Variants in C2CD5 observed in about 807,000 individuals in gnomAD.
C2CD5 encodes the protein C2 calcium dependent domain containing 5, also known as C2 domain-containing protein 5.
Under a neutral mutation model 130.3 loss-of-function variants are expected in C2CD5, and 109 were observed. That is an observed-to-expected ratio of 0.84 (90% CI 0.72 to 0.98). The LOEUF (loss-of-function observed/expected upper bound fraction) is 0.98, where lower values mean the gene tolerates loss of function less well. Among genes scored for constraint, C2CD5 ranks in the 50% least tolerant of loss-of-function variants. The probability of loss-of-function intolerance (pLI) is 0.00; values close to 1 mark genes in which losing one functional copy is unlikely to be tolerated. For missense variants in C2CD5, 996 were observed against 1,261.8 expected (o/e 0.79, Z 3.19); for synonymous variants, 454 against 429.2 (o/e 1.06, Z -0.71).
At chr12:22,534,282 T>C (rs571087931) in intron 3 of C2CD5, among the ~76,000 whole-genome samples, 3 of 152,246 alleles carry the variant, frequency 2.0e-5, no homozygotes, top group African/African-American at 7.2e-5. Flanking sequence ...ATTAAAACCA[T>C]AAAACTCTTA....
At chr12:22,479,733 T>A (rs1054220931) in intron 14 of C2CD5, among the ~76,000 whole-genome samples, 1 of 152,164 alleles carries the variant, frequency 6.6e-6, no homozygotes, top group Admixed American at 6.5e-5. Flanking sequence ...TCTGAAACAG[T>A]ACTATATTTC....
rs768033081 is a variant in C2CD5, at chr12:22,518,062, A to G, written c.876T>C (p.Tyr292=). 19 of 1,613,816 alleles carry G rather than the reference A, an allele frequency of 1.2e-5. No homozygotes were observed. The highest frequency in any genetic ancestry group is 2.7e-5 in the African/African-American group (2 of 74,916). ...TGTAGGACTTGGAAGGTGAAAAGGA[A>G]TAAGTTTGGTTTTTCAGAGGGGTTG... is the stretch of plus-strand genomic sequence containing the variant. ...GPSTPLKNQT[Y]SFSPSKSYSR... is the part of the protein sequence containing the mutation. The change falls in exon 8 of 27, where the codon TAT becomes TAC. Residue 292 remains tyrosine, a synonymous_variant. Transcript: ENST00000446597.
At position 22,471,498 on chromosome 12, in the gene C2CD5, AG is replaced by A; in HGVS notation, c.2269-11del. 1 of 1,428,890 alleles carries A rather than the reference AG, an allele frequency of 7.0e-7. No homozygotes were observed. The highest frequency in any genetic ancestry group is 9.6e-7 in the Non-Finnish European group (1 of 1,039,784). The allele number at this position is 1,428,890 out of a possible 1,614,324, so 88.5% of individuals were successfully genotyped here. A position where few individuals can be genotyped will look rare whatever the true frequency, so the allele number is the denominator to read the frequency against. ...GTTTAAAGTACAGGCTCTACACAAT[AG>A]AAAATATTAGTAATGTCACTTTTTT... On this transcript the variant is annotated splice_polypyrimidine_tract_variant and intron_variant, in intron 19 of 26. Transcript: ENST00000446597.
At position 22,513,286 on chromosome 12, in the gene C2CD5, A is replaced by T; in HGVS notation, c.1038+8T>A. ...GTGTAAGAACAAAGAATATCAAGTGAATCTTACCCTCTGTTCCAACGCTGA... is the reference window on the plus strand; with the variant it reads ...GTGTAAGAACAAAGAATATCAAGTGTATCTTACCCTCTGTTCCAACGCTGA... On this transcript the variant is annotated splice_region_variant and intron_variant, in intron 9 of 26. Transcript: ENST00000446597. The T allele has an allele frequency of 6.3e-7, 1 of 1,575,940 alleles. No individual in the cohort carries two copies. The highest frequency in any genetic ancestry group is 8.7e-7 in the Non-Finnish European group (1 of 1,145,578).
Position 22,482,483 on chromosome 12 carries a change from A to G in C2CD5, c.1737+74T>C, listed in dbSNP as rs1332703723. 41 of 1,258,252 alleles carry G rather than the reference A, an allele frequency of 3.3e-5. No individual in the cohort carries two copies. The Middle Eastern group carries it at 2.2e-3, about 69-fold the overall frequency. 77.9% of individuals were successfully genotyped at this position (1,258,252 alleles called of 1,614,324 possible). On this transcript the variant is annotated intron_variant, in intron 14 of 26. Transcript: ENST00000446597. Reference sequence around the variant, plus strand: ...CTTTAGATAAGCCTTTGAAAAGACTATTTGAATCACATAACATAGAATCTA... The same window carrying G: ...CTTTAGATAAGCCTTTGAAAAGACTGTTTGAATCACATAACATAGAATCTA...
intron 14 of C2CD5, among the ~76,000 whole-genome samples, chr12:22,481,693 C>T (rs925524465): frequency 3.0e-5 from 4 of 134,548 alleles, no homozygotes; most frequent in Admixed American, 8.3e-5. Context: ...CTCACTCTGT[C>T]GCCTCGGTTG....
chr12:22,524,172 A>C (rs1950528310), intron 6 of C2CD5, among the ~76,000 whole-genome samples: 1 of 152,152 alleles, frequency 6.6e-6, no homozygotes, highest in South Asian at 2.1e-4. Flanking sequence ...TGGTAGATGA[A>C]GGAAAACTAG....
Position 22,513,378 on chromosome 12 carries a change from T to A in C2CD5, c.954A>T (p.Gly318=). ...DTDLSLTPKT[G]MGSGSAGKEG... Reference sequence around the variant, plus strand: ...CTTTTCCAGCACTACCACTTCCCATTCCTACAGAACATCAGTACATAAATA... The same window carrying A: ...CTTTTCCAGCACTACCACTTCCCATACCTACAGAACATCAGTACATAAATA... The change falls in exon 9 of 27, where the codon GGA becomes GGT. Residue 318 remains glycine, a splice_region_variant and synonymous_variant. Transcript: ENST00000446597. 3.7e-6 allele frequency: 6 copies of A among 1,604,052 alleles called. No homozygotes were observed. The highest frequency in any genetic ancestry group is 4.3e-6 in the Non-Finnish European group (5 of 1,171,018).
intron 10 of C2CD5, among the ~76,000 whole-genome samples, chr12:22,494,076 A>G (rs1946697242): frequency 6.6e-6 from 1 of 152,064 alleles, no homozygotes; most frequent in Admixed American, 6.6e-5. Context: ...CTTGTAATGG[A>G]GCACTATAAA....
At chr12:22,481,860 G>A (rs1461481972) in intron 14 of C2CD5, among the ~76,000 whole-genome samples, 1 of 145,350 alleles carries the variant, frequency 6.9e-6, no homozygotes, top group Non-Finnish European at 1.5e-5. Context: ...TCTAACTTCT[G>A]GGCTCAAGTG....
At chr12:22,478,566 C>T in intron 14 of C2CD5, 89 bp from the exon 15 acceptor site, 3 of 1,166,048 alleles carry the variant, frequency 2.6e-6, no homozygotes, top group Non-Finnish European at 3.7e-6. Context: ...TGGTCAACAG[C>T]TGGGTGCAGT....
chr12:22,521,746 G>C (rs538241109), intron 7 of C2CD5, among the ~76,000 whole-genome samples: 22 of 152,236 alleles, frequency 1.4e-4, no homozygotes, highest in Middle Eastern at 3.4e-3. Context: ...AAATTAAGCA[G>C]TATGTAACAC....
intron 21 of C2CD5, 117 bp downstream of exon 21, chr12:22,470,707 C>A (rs1942881714): frequency 3.1e-6 from 2 of 638,494 alleles, no homozygotes; most frequent in Non-Finnish European, 5.5e-6. Flanking sequence ...ACAGAAAAAG[C>A]AGCAAATATT....
chr12:22,528,701 T>C (rs1207001847), intron 3 of C2CD5, among the ~76,000 whole-genome samples: 2 of 152,162 alleles, frequency 1.3e-5, no homozygotes, highest in African/African-American at 4.8e-5. Flanking sequence ...CTTCTTTACA[T>C]CAGACATACC....
intron 16 of C2CD5, 111 bp from the exon 17 acceptor site, chr12:22,472,918 AAAATATGTAACAAG>A: frequency 1.5e-6 from 1 of 669,346 alleles, no homozygotes; most frequent in Admixed American, 2.6e-5. Flanking sequence ...TTCCTAAGTA[AAAATATGTAACAAG>A]AAAAAAATTC....
Position 22,449,861 on chromosome 12 carries a change from C to G in C2CD5, c.3055G>C (p.Ala1019Pro). The G allele has an allele frequency of 6.2e-7, 1 of 1,610,180 alleles. No homozygotes were observed. Among genetic ancestry groups the G allele is most frequent in the South Asian group, 1.1e-5 (1 of 90,780 alleles). The change falls in exon 27 of 27, where the codon GCA becomes CCA. Residue 1019 changes from alanine to proline, a missense_variant. Around this residue, in one of 9 missense-constraint regions of C2CD5, gnomAD observed 48 missense variants for 46.4 expected, o/e 1.03. Transcript: ENST00000446597. ...TCAGATTCACGAACAAAAACCACTG[C>G]ATCACCACTTACATTTATAAGACAC... The part of the protein sequence containing the change: ...AQCLINVSGD[A>P]VVFVRESDLE...
intron 3 of C2CD5, among the ~76,000 whole-genome samples, chr12:22,530,304 GAATA>G (rs1951154804): frequency 6.8e-6 from 1 of 147,550 alleles, no homozygotes. Context: ...ATTTAAAACT[GAATA>G]TATATATATA....
chr12:22,480,819 TA>T (rs1286499723), intron 14 of C2CD5, among the ~76,000 whole-genome samples: 1 of 151,770 alleles, frequency 6.6e-6, no homozygotes, highest in African/African-American at 2.4e-5. Flanking sequence ...TTTTTTTTTT[TA>T]AAGACAGGGT....
At chr12:22,528,495 T>A (rs184138093) in intron 3 of C2CD5, among the ~76,000 whole-genome samples, 3 of 152,322 alleles carry the variant, frequency 2.0e-5, no homozygotes, top group Admixed American at 2.0e-4. Context: ...GATTTCCTCA[T>A]GGAAGACGTA....
Sources: gnomAD v4.1 joint callset for allele counts (sites outside exome capture counted in the v4.1 genomes callset) on GRCh38, gnomAD v4.1.1 for gene constraint, gnomAD v4.1.1 regional missense constraint, MANE v1.5 for transcripts, NCBI Gene and HGNC (gene_info 2026-07-23, HGNC 2026-07-21) for gene names.